The following KDM1B variants were observed in gnomAD, a reference collection of about 807,000 sequenced individuals.
KDM1B encodes lysine demethylase 1B.
Under a neutral mutation model 107.4 loss-of-function variants are expected in KDM1B, and 63 were observed. The observed-to-expected ratio is 0.59, with a 90% confidence interval of 0.48 to 0.72. The LOEUF (loss-of-function observed/expected upper bound fraction) is 0.72, where lower values mean the gene tolerates loss of function less well. KDM1B is among the 30% of genes least tolerant of loss of function. The probability of loss-of-function intolerance (pLI) is 0.00; values close to 1 mark genes in which losing one functional copy is unlikely to be tolerated. For synonymous variants in KDM1B, 363 were observed against 363.9 expected, an observed-to-expected ratio of 1.00 and a Z score of 0.03; for missense variants, 749 against 1,020.8, an observed-to-expected ratio of 0.73 and a Z score of 3.63.
At chr6:18,194,295 G>A (rs1289167552) in intron 10 of KDM1B, among the ~76,000 whole-genome samples, 7 of 152,162 alleles carry the variant, frequency 4.6e-5, no homozygotes, top group Non-Finnish European at 4.4e-5. Context: ...ATTACGTGCT[G>A]TAAAGGCGTG....
rs1374728709 is a variant in KDM1B, at chr6:18,162,013, T to C, written c.215+559T>C. Among the ~76,000 whole-genome samples the C allele has an allele frequency of 6.6e-6, 1 of 151,954 alleles. No homozygotes were observed. Among genetic ancestry groups the C allele is most frequent in the East Asian group, 1.9e-4 (1 of 5,174 alleles). ...GGTTCAATAAAATCGAGAAAACAAATCCTATTTGTTTTTAAACACAAAGAG... is the reference window on the plus strand; with the variant it reads ...GGTTCAATAAAATCGAGAAAACAAACCCTATTTGTTTTTAAACACAAAGAG... On this transcript the variant is annotated intron_variant, in intron 4 of 21. Coordinates refer to ENST00000650836, the MANE Select transcript of KDM1B (RefSeq NM_001364614.2). The surrounding 1 kb of genome is among the most constrained non-coding windows in gnomAD (Gnocchi z 4.1).
At chr6:18,157,706 ATATT>A (rs1174750797) in intron 2 of KDM1B, among the ~76,000 whole-genome samples, 16 of 151,346 alleles carry the variant, frequency 1.1e-4, no homozygotes, top group African/African-American at 3.9e-4. Flanking sequence ...ATAATAATTA[ATATT>A]TATATGTGTC....
chr6:18,187,685 C>T (rs372534), intron 8 of KDM1B, 107 bp from the exon 9 acceptor site: 595,656 of 725,170 alleles, frequency 0.82, 246,430 homozygotes, highest in African/African-American at 0.96. Context: ...AAAAGCATAG[C>T]GGGTTAAGGA....
Position 18,191,334 on chromosome 6 carries a change from C to G in KDM1B, c.922C>G (p.Leu308Val). ...PEYSRDPTMY[L>V]ALRNLILALW... ...GTATTCCCGAGACCCCACCATGTAC[C>G]TGGCTTTGAGAAACCTCATCCTCGC... Residue 308 changes from leucine to valine, a missense_variant, in exon 10 of 22, where the codon CTG (leucine) becomes GTG (valine). Leu to Val is a conservative substitution (Grantham distance 32). Transcript: ENST00000650836. The surrounding 1 kb of genome is among the most constrained non-coding windows in gnomAD (Gnocchi z 5.1). 1 of 1,551,090 alleles carries G rather than the reference C, an allele frequency of 6.4e-7. No homozygotes were observed. Among genetic ancestry groups the G allele is most frequent in the African/African-American group, 1.4e-5 (1 of 73,170 alleles).
In KDM1B at chr6:18,191,440, G is replaced by A; in HGVS notation, c.969+59G>A. ...CAGAGGAGGACCATGTTGAAAAGGAGGGGATACTTCATCTGGGGATGGAAC... is the reference window on the plus strand; with the variant it reads ...CAGAGGAGGACCATGTTGAAAAGGAAGGGATACTTCATCTGGGGATGGAAC... On this transcript the variant is annotated intron_variant, in intron 10 of 21. Transcript: ENST00000650836. This position sits in a 1 kb window ranked among gnomAD's most constrained non-coding sequence, Gnocchi z 5.1. 1 of 1,472,370 alleles carries A rather than the reference G, an allele frequency of 6.8e-7. No individual in the cohort carries two copies. The highest frequency in any genetic ancestry group is 2.2e-5 in the Admixed American group (1 of 45,538). 91.2% of individuals were successfully genotyped at this position (1,472,370 alleles called of 1,614,324 possible).
chr6:18,189,287 C>G (rs555432414), intron 9 of KDM1B, among the ~76,000 whole-genome samples: 2 of 151,872 alleles, frequency 1.3e-5, no homozygotes, highest in Non-Finnish European at 2.9e-5. Flanking sequence ...TGGTGGAAAT[C>G]AAAGCTAAAG....
chr6:18,156,097 G>A (rs1784581784), intron 2 of KDM1B, among the ~76,000 whole-genome samples, 171 bp downstream of exon 2: 1 of 152,144 alleles, frequency 6.6e-6, no homozygotes, highest in Admixed American at 6.5e-5. Flanking sequence ...TGTTCTTCCC[G>A]GCCGATAGGG....
At chr6:18,163,967 A>G (rs1378490208) in intron 5 of KDM1B, among the ~76,000 whole-genome samples, 2 of 152,230 alleles carry the variant, frequency 1.3e-5, no homozygotes, top group East Asian at 3.9e-4. Context: ...ATATATATAT[A>G]TATATACACA....
intron 7 of KDM1B, among the ~76,000 whole-genome samples, chr6:18,180,942 C>G (rs890795855): frequency 1.3e-5 from 2 of 152,234 alleles, no homozygotes; most frequent in African/African-American, 4.8e-5. Context: ...TCTCACCTCT[C>G]TTTTACTTGC....
chr6:18,180,767 T>G (rs1786411336), intron 7 of KDM1B, among the ~76,000 whole-genome samples: 1 of 152,196 alleles, frequency 6.6e-6, no homozygotes, highest in African/African-American at 2.4e-5. Context: ...AGTTTCACCA[T>G]GTTGGCCAGG....
In KDM1B at chr6:18,197,103, G is replaced by T; in HGVS notation, c.1016G>T (p.Gly339Val). Reference protein sequence around the residue: ...QKCIPHIIVRGLVRIRCVQEV... With the variant: ...QKCIPHIIVRVLVRIRCVQEV... ...TGTATTCCTCACATCATCGTCCGGG[G>T]TCTCGTGCGTATTCGATGCGTTCAG... The change falls in exon 11 of 22, where the codon GGT becomes GTT. Residue 339 changes from glycine to valine, a missense_variant. Physicochemically the swap from Gly to Val is moderately radical, Grantham distance 109. Coordinates refer to ENST00000650836, the MANE Select transcript of KDM1B (RefSeq NM_001364614.2). The surrounding 1 kb of genome is among the most constrained non-coding windows in gnomAD (Gnocchi z 4.5). 6.2e-7 allele frequency: 1 copy of T among 1,613,966 alleles called. No homozygotes were observed. Among genetic ancestry groups the T allele is most frequent in the African/African-American group, 1.3e-5 (1 of 75,020 alleles).
chr6:18,167,683 A>G (rs1363712424), intron 6 of KDM1B, among the ~76,000 whole-genome samples: 1 of 152,078 alleles, frequency 6.6e-6, no homozygotes, highest in Non-Finnish European at 1.5e-5. Context: ...CATGTTGCCC[A>G]GGCTGGTCTT....
chr6:18,194,540 G>A (rs1458986648), intron 10 of KDM1B, among the ~76,000 whole-genome samples: 2 of 152,112 alleles, frequency 1.3e-5, no homozygotes, highest in Non-Finnish European at 2.9e-5. Flanking sequence ...TTTCCCCACT[G>A]GGCAAACCTC....
intron 10 of KDM1B, among the ~76,000 whole-genome samples, chr6:18,194,548 C>A (rs1319355411): frequency 6.6e-6 from 1 of 152,174 alleles, no homozygotes; most frequent in Non-Finnish European, 1.5e-5. Flanking sequence ...CTGGGCAAAC[C>A]TCCCTTTGTT....
At chr6:18,207,559 T>C in intron 16 of KDM1B, 30 bp downstream of exon 16, 22 of 1,612,596 alleles carry the variant, frequency 1.4e-5, no homozygotes, top group Non-Finnish European at 1.9e-5. Flanking sequence ...AGGCTCTGGC[T>C]CGCCTTGTTT....
intron 7 of KDM1B, among the ~76,000 whole-genome samples, chr6:18,174,206 G>C (rs564872267): frequency 9.9e-5 from 15 of 152,238 alleles, no homozygotes; most frequent in South Asian, 8.3e-4. Flanking sequence ...TATCTGTATA[G>C]TAAGTCTTAA....
At position 18,155,506 on chromosome 6, in the gene KDM1B, G is replaced by C. The variant is rs1232714937; in HGVS notation, c.-123G>C. 1 of 153,428 alleles carries C rather than the reference G, an allele frequency of 6.5e-6. No individual in the cohort carries two copies. The highest frequency in any genetic ancestry group is 2.4e-5 in the African/African-American group (1 of 41,376). 9.5% of individuals were successfully genotyped at this position (153,428 alleles called of 1,614,324 possible). A position where few individuals can be genotyped will look rare whatever the true frequency, so the allele number is the denominator to read the frequency against. ...GCGGCTGCAGCCGTCCTGTGCGCGCGGCGCGCGGCTCCGGAGAGGCGCCCG... is the reference window on the plus strand; with the variant it reads ...GCGGCTGCAGCCGTCCTGTGCGCGCCGCGCGCGGCTCCGGAGAGGCGCCCG... On this transcript the variant is annotated 5_prime_UTR_variant, in exon 1 of 22. Transcript: ENST00000650836. This position sits in a 1 kb window ranked among gnomAD's most constrained non-coding sequence, Gnocchi z 6.2.
chr6:18,182,737 C>A (rs555458404), intron 7 of KDM1B, among the ~76,000 whole-genome samples: 1 of 152,092 alleles, frequency 6.6e-6, no homozygotes, highest in Admixed American at 6.6e-5. Flanking sequence ...TGCTATGTTG[C>A]CCAGGCTGGT....
chr6:18,159,431 T>C lies in KDM1B; in HGVS notation c.-13-452T>C, dbSNP rs1409207133. ...GTCATTCATGTGGCATGTTTCTCAT[T>C]TTGTATCTTTTAATGTGCATAACTA... On this transcript the variant is annotated intron_variant, in intron 2 of 21. Coordinates refer to ENST00000650836, the MANE Select transcript of KDM1B (RefSeq NM_001364614.2). This position sits in a 1 kb window ranked among gnomAD's most constrained non-coding sequence, Gnocchi z 4.5. Among the ~76,000 whole-genome samples, 1 of 152,214 alleles carries C rather than the reference T, an allele frequency of 6.6e-6. No individual in the cohort carries two copies. The highest frequency in any genetic ancestry group is 1.5e-5 in the Non-Finnish European group (1 of 68,044).
Sources: gnomAD v4.1 joint callset for allele counts (sites outside exome capture counted in the v4.1 genomes callset) on GRCh38, gnomAD v4.1.1 for gene constraint, Gnocchi (gnomAD v3.1) non-coding constraint, MANE v1.5 for transcripts, NCBI Gene and HGNC (gene_info 2026-07-23, HGNC 2026-07-21) for gene names.